Variants in KIAA1217 observed in about 807,000 individuals in gnomAD.
KIAA1217 encodes the protein KIAA1217.
KIAA1217 carries 88 observed loss-of-function variants against 163.9 expected under a neutral mutation model. The ratio of observed to expected loss-of-function variants is 0.54; its 90% CI spans 0.45 to 0.64. The LOEUF is 0.64. Ranked by LOEUF, KIAA1217 falls within the 30% of genes least tolerant of loss-of-function variation. KIAA1217 has a pLI of 0.00. For missense variants in KIAA1217, 2,372 were observed against 2,475.0 expected (o/e 0.96, Z 0.88); for synonymous variants, 903 against 923.1 (o/e 0.98, Z 0.39).
chr10:24,452,517 C>CAA (rs879925996), intron 5 of KIAA1217, among the ~76,000 whole-genome samples: 2 of 123,656 alleles, frequency 1.6e-5, no homozygotes, highest in East Asian at 2.3e-4. Context: ...ACTTAAAATA[C>CAA]AAAAAAAAAA....
intron 1 of KIAA1217, among the ~76,000 whole-genome samples, chr10:23,714,793 G>C (rs1017758220): frequency 6.6e-6 from 1 of 152,128 alleles, no homozygotes; most frequent in Non-Finnish European, 1.5e-5. Flanking sequence ...TTTGTCAATA[G>C]AGGGTGGTTT....
chr10:24,377,761 G>A (rs1309542605), intron 2 of KIAA1217, among the ~76,000 whole-genome samples: 1 of 152,146 alleles, frequency 6.6e-6, no homozygotes, highest in African/African-American at 2.4e-5. Flanking sequence ...ATGGAAATAA[G>A]CTCCAGAGAG....
chr10:23,893,738 C>T (rs530506656), intron 1 of KIAA1217, among the ~76,000 whole-genome samples: 2 of 152,070 alleles, frequency 1.3e-5, no homozygotes, highest in African/African-American at 4.8e-5. Context: ...CAAAAATCCT[C>T]AATAAAATAC....
chr10:24,345,796 G>A (rs1043296787), intron 2 of KIAA1217, among the ~76,000 whole-genome samples: 5 of 151,672 alleles, frequency 3.3e-5, no homozygotes, highest in Non-Finnish European at 4.4e-5. Flanking sequence ...GCAACTTTAC[G>A]ATTTTTTAAA....
At chr10:24,192,399 C>G (rs1392027178) in intron 2 of KIAA1217, among the ~76,000 whole-genome samples, 3 of 152,160 alleles carry the variant, frequency 2.0e-5, no homozygotes, top group Non-Finnish European at 2.9e-5. Context: ...GGGGAAGGTG[C>G]AAGAAACCTT....
At chr10:23,910,228 C>T (rs1169445776) in intron 1 of KIAA1217, among the ~76,000 whole-genome samples, 2 of 151,714 alleles carry the variant, frequency 1.3e-5, no homozygotes, top group Non-Finnish European at 2.9e-5. Context: ...AACAAACTAC[C>T]GTGGCACGTG....
intron 1 of KIAA1217, among the ~76,000 whole-genome samples, chr10:23,696,123 C>T (rs1836021362): frequency 1.3e-5 from 2 of 152,220 alleles, no homozygotes; most frequent in South Asian, 4.1e-4. Context: ...GCATGTTTAG[C>T]TCTTTTGGGC....
intron 1 of KIAA1217, among the ~76,000 whole-genome samples, chr10:23,714,648 G>A (rs1837461004): frequency 1.3e-5 from 2 of 151,974 alleles, no homozygotes; most frequent in African/African-American, 4.8e-5. Context: ...TTTTTTTCCT[G>A]CTCTCCCTTT....
At chr10:24,472,043 A>C (rs1050140675) in intron 5 of KIAA1217, among the ~76,000 whole-genome samples, 6 of 152,216 alleles carry the variant, frequency 3.9e-5, no homozygotes, top group African/African-American at 1.2e-4. Flanking sequence ...CTGTATTCAC[A>C]TAATCAAGTA....
At chr10:24,510,290 C>T (rs2068923676) in intron 9 of KIAA1217, among the ~76,000 whole-genome samples, 1 of 152,090 alleles carries the variant, frequency 6.6e-6, no homozygotes, top group Non-Finnish European at 1.5e-5. Flanking sequence ...TTAAATATTC[C>T]ACCAATAATT....
At chr10:24,010,344 T>C (rs1847186472) in intron 2 of KIAA1217, among the ~76,000 whole-genome samples, 1 of 152,156 alleles carries the variant, frequency 6.6e-6, no homozygotes, top group Non-Finnish European at 1.5e-5. Context: ...ATTGGAAAAC[T>C]ACAATGCTCT....
At chr10:23,971,353 C>T (rs1038496224) in intron 1 of KIAA1217, among the ~76,000 whole-genome samples, 1 of 152,232 alleles carries the variant, frequency 6.6e-6, no homozygotes, top group Admixed American at 6.5e-5. Context: ...TCACCAGCTT[C>T]AGGTGTTTCT....
chr10:24,227,271 C>T (rs909946842), intron 2 of KIAA1217, among the ~76,000 whole-genome samples: 2 of 151,492 alleles, frequency 1.3e-5, no homozygotes, highest in Non-Finnish European at 2.9e-5. Flanking sequence ...GATTCTCCTG[C>T]CTCAGCCTCC....
At chr10:24,127,599 T>A (rs1340885290) in intron 2 of KIAA1217, among the ~76,000 whole-genome samples, 2 of 152,178 alleles carry the variant, frequency 1.3e-5, no homozygotes, top group East Asian at 3.9e-4. Context: ...ATTTTCACAA[T>A]GCACTCCAGT....
Position 23,781,242 on chromosome 10 carries a change from G to T in KIAA1217, c.-321+86008G>T, listed in dbSNP as rs143713405. On this transcript the variant is annotated intron_variant, in intron 1 of 18. Transcript: ENST00000376462. ...CTTACTCCTACCAACAATGTACAAG[G>T]TTTCCCTTTTCTCCACACCCTTGCC... Among the ~76,000 whole-genome samples the T allele has an allele frequency of 8.1e-3, 1,227 of 152,160 alleles. 4 individuals carry two copies. The highest frequency in any genetic ancestry group is 0.013 in the Non-Finnish European group (889 of 68,004).
At chr10:23,938,683 A>G (rs1268123544) in intron 1 of KIAA1217, among the ~76,000 whole-genome samples, 1 of 151,872 alleles carries the variant, frequency 6.6e-6, no homozygotes, top group Non-Finnish European at 1.5e-5. Flanking sequence ...AAAAAAAAGG[A>G]TGTGCCTCGG....
At chr10:24,194,503 A>T (rs901302746) in intron 2 of KIAA1217, among the ~76,000 whole-genome samples, 4 of 148,120 alleles carry the variant, frequency 2.7e-5, no homozygotes, top group Non-Finnish European at 4.5e-5. Flanking sequence ...CTTTATTTTC[A>T]CTCTGCTGAA....
At chr10:23,942,833 G>A (rs574398869) in intron 1 of KIAA1217, among the ~76,000 whole-genome samples, 5 of 151,990 alleles carry the variant, frequency 3.3e-5, no homozygotes, top group Admixed American at 6.5e-5. Context: ...AACAGTCTGG[G>A]CACAGCGCTC....
At chr10:24,294,256 G>A (rs1017946668) in intron 2 of KIAA1217, among the ~76,000 whole-genome samples, 1 of 151,592 alleles carries the variant, frequency 6.6e-6, no homozygotes, top group Non-Finnish European at 1.5e-5. Flanking sequence ...CCACCTTGGG[G>A]CTCTACATTT....
Sources: gnomAD v4.1 joint callset for allele counts (sites outside exome capture counted in the v4.1 genomes callset) on GRCh38, gnomAD v4.1.1 for gene constraint, MANE v1.5 for transcripts, NCBI Gene and HGNC (gene_info 2026-07-23, HGNC 2026-07-21) for gene names.